Variants in TECPR2 observed in about 807,000 individuals in gnomAD.
TECPR2 encodes tectonin beta-propeller repeat-containing protein 2.
TECPR2 carries 65 observed loss-of-function variants against 138.1 expected under a neutral mutation model. That is an observed-to-expected ratio of 0.47 (90% CI 0.39 to 0.58). TECPR2 has a LOEUF of 0.58. Ranked by LOEUF, TECPR2 falls within the 20% of genes least tolerant of loss-of-function variation. The pLI, the probability that TECPR2 is intolerant of heterozygous loss-of-function variation, is 0.00. For synonymous variants in TECPR2, 746 were observed against 749.8 expected (o/e 0.99, Z 0.08); for missense variants, 1,553 against 1,824.5 (o/e 0.85, Z 2.71).
intron 17 of TECPR2, among the ~76,000 whole-genome samples, chr14:102,467,645 A>G (rs1890575112): frequency 6.6e-6 from 1 of 151,376 alleles, no homozygotes; most frequent in Non-Finnish European, 1.5e-5. Flanking sequence ...TTTTGTTGTT[A>G]TTTTATTTTT....
At chr14:102,438,278 G>C in intron 10 of TECPR2, 73 bp downstream of exon 10, 3 of 1,524,052 alleles carry the variant, frequency 2.0e-6, no homozygotes, top group Non-Finnish European at 2.6e-6. Context: ...CCGGGGTGCA[G>C]ACATCTTAGT....
At chr14:102,409,382 C>T (rs990062259) in intron 4 of TECPR2, among the ~76,000 whole-genome samples, 1 of 151,968 alleles carries the variant, frequency 6.6e-6, no homozygotes, top group Non-Finnish European at 1.5e-5. Context: ...TTGTGACAAC[C>T]TCCATATCCC....
Position 102,420,362 on chromosome 14 carries a change from G to A in TECPR2, c.639-4617G>A, listed in dbSNP as rs990242232. Among the ~76,000 whole-genome samples, 1 of 152,204 alleles carries A rather than the reference G, an allele frequency of 6.6e-6. No individual in the cohort carries two copies. Among genetic ancestry groups the A allele is most frequent in the South Asian group, 2.1e-4 (1 of 4,828 alleles). ...AAGCACCAGCAAGTACTGCAGAATCGCACTGCAAGTGGATGGTGGCTGAGT... is the reference window on the plus strand; with the variant it reads ...AAGCACCAGCAAGTACTGCAGAATCACACTGCAAGTGGATGGTGGCTGAGT... On this transcript the variant is annotated intron_variant, in intron 5 of 19. Transcript: ENST00000359520. This position sits in a 1 kb window ranked among gnomAD's most constrained non-coding sequence, Gnocchi z 4.1.
intron 7 of TECPR2, among the ~76,000 whole-genome samples, chr14:102,429,690 A>G (rs973073544): frequency 2.3e-4 from 35 of 152,164 alleles, no homozygotes; most frequent in Admixed American, 5.2e-4. Context: ...CATAATTTGT[A>G]TAAGAAGTGA....
intron 2 of TECPR2, among the ~76,000 whole-genome samples, chr14:102,381,661 T>A: frequency 6.6e-6 from 1 of 152,292 alleles, no homozygotes; most frequent in East Asian, 1.9e-4. Context: ...AATGAAAGTA[T>A]TACCAGATGA....
intron 2 of TECPR2, among the ~76,000 whole-genome samples, chr14:102,403,617 G>A (rs1470994279): frequency 6.6e-6 from 1 of 152,166 alleles, no homozygotes. Context: ...GATCTTGTAT[G>A]TAGAAACCCT....
intron 2 of TECPR2, among the ~76,000 whole-genome samples, chr14:102,396,651 C>T (rs187551425): frequency 6.6e-5 from 10 of 152,286 alleles, no homozygotes; most frequent in East Asian, 1.9e-4. Flanking sequence ...CGGAAGTCTA[C>T]TGAGGTTTAC....
Position 102,425,292 on chromosome 14 carries a change from G to GATC in TECPR2, c.951+1_951+2insATC. ...CTATCTCCTAGACACAGTCAACCAG[G>GATC]TAAGTGAAGGGACGCCACCATATCT... On this transcript the variant is annotated splice_donor_variant, in intron 6 of 19. Transcript: ENST00000359520. LOFTEE classifies it high-confidence loss of function. The GATC allele has an allele frequency of 6.3e-7, 1 of 1,574,854 alleles. No individual in the cohort carries two copies. The highest frequency in any genetic ancestry group is 1.2e-5 in the South Asian group (1 of 85,130).
chr14:102,496,878 G>A (rs533456392), intron 17 of TECPR2, 101 bp from the exon 18 acceptor site: 10 of 1,536,244 alleles, frequency 6.5e-6, no homozygotes, highest in Non-Finnish European at 6.2e-6. Context: ...CACACTGGCT[G>A]CTGCATGCTG....
At chr14:102,497,768 C>T (rs1218581702) in intron 19 of TECPR2, 49 bp downstream of exon 19, 8 of 1,526,608 alleles carry the variant, frequency 5.2e-6, no homozygotes, top group Non-Finnish European at 1.8e-6. Flanking sequence ...GTTCCCAGGG[C>T]TCCTGTGGAC....
At chr14:102,439,945 T>TG (rs1195048639) in intron 10 of TECPR2, among the ~76,000 whole-genome samples, 2 of 152,262 alleles carry the variant, frequency 1.3e-5, no homozygotes, top group African/African-American at 4.8e-5. Flanking sequence ...GTTCCTTCTG[T>TG]GCACCTTTTC....
intron 17 of TECPR2, among the ~76,000 whole-genome samples, chr14:102,487,747 T>C (rs1891063853): frequency 6.6e-6 from 1 of 151,898 alleles, no homozygotes; most frequent in Middle Eastern, 3.4e-3. Flanking sequence ...TTCACTGTGT[T>C]AGCCAGGATG....
intron 17 of TECPR2, among the ~76,000 whole-genome samples, chr14:102,474,742 G>C (rs1468609756): frequency 1.3e-5 from 2 of 152,104 alleles, no homozygotes; most frequent in African/African-American, 4.8e-5. Flanking sequence ...TTTTACAAGG[G>C]ACCCATCTTT....
chr14:102,469,735 C>G (rs548649588), intron 17 of TECPR2, among the ~76,000 whole-genome samples: 15 of 151,976 alleles, frequency 9.9e-5, no homozygotes, highest in Non-Finnish European at 1.5e-4. Flanking sequence ...GTTGAACTTC[C>G]CTTCTACTCC....
chr14:102,484,016 C>T (rs1390487372), intron 17 of TECPR2, among the ~76,000 whole-genome samples: 7 of 140,200 alleles, frequency 5.0e-5, no homozygotes, highest in African/African-American at 1.9e-4. Context: ...AGGCTGGTTT[C>T]GAACTCCTGA....
intron 8 of TECPR2, among the ~76,000 whole-genome samples, chr14:102,432,781 G>A (rs10136979): frequency 3.0e-4 from 45 of 152,016 alleles, no homozygotes; most frequent in African/African-American, 1.1e-3. Flanking sequence ...CGAGGCAGGC[G>A]GATCACGAGG....
intron 16 of TECPR2, among the ~76,000 whole-genome samples, chr14:102,460,839 C>T (rs1890391302): frequency 6.6e-6 from 1 of 151,700 alleles, no homozygotes; most frequent in African/African-American, 2.4e-5. Context: ...GGACTACAGG[C>T]ACCCACTGCC....
chr14:102,397,511 C>T (rs1888346334), intron 2 of TECPR2, among the ~76,000 whole-genome samples: 1 of 152,168 alleles, frequency 6.6e-6, no homozygotes, highest in Non-Finnish European at 1.5e-5. Context: ...CTTGGGGAGG[C>T]CAAGGCAGGT....
At chr14:102,490,914 GAC>G (rs1275579697) in intron 17 of TECPR2, among the ~76,000 whole-genome samples, 1 of 151,798 alleles carries the variant, frequency 6.6e-6, no homozygotes, top group Non-Finnish European at 1.5e-5. Context: ...TTTTTTTTGA[GAC>G]AGAGTCTCAC....
Sources: allele counts gnomAD v4.1 joint callset (sites outside exome capture counted in the v4.1 genomes callset), GRCh38; gene constraint gnomAD v4.1.1; non-coding constraint Gnocchi (gnomAD v3.1); transcripts MANE v1.5; gene names NCBI Gene and HGNC (gene_info 2026-07-23, HGNC 2026-07-21).